CALN1: variants seen among roughly 807,000 people sequenced by gnomAD.
The protein encoded by CALN1 is calcium-binding protein 8.
A neutral mutation model predicts 30.6 loss-of-function variants in CALN1; 17 were observed. That is an observed-to-expected ratio of 0.56 (90% CI 0.38 to 0.83). The LOEUF (loss-of-function observed/expected upper bound fraction) is 0.83, where lower values mean the gene tolerates loss of function less well. Among genes scored for constraint, CALN1 ranks in the 40% least tolerant of loss-of-function variants. The probability of loss-of-function intolerance (pLI) is 0.00; values close to 1 mark genes in which losing one functional copy is unlikely to be tolerated. For missense variants in CALN1, 291 were observed against 354.9 expected (o/e 0.82, Z 1.45); for synonymous variants, 156 against 131.4 (o/e 1.19, Z -1.28).
intron 3 of CALN1, among the ~76,000 whole-genome samples, chr7:72,116,591 CA>C (rs1297315263): frequency 6.6e-6 from 1 of 152,084 alleles, no homozygotes; most frequent in African/African-American, 2.4e-5. Context: ...TGGCGCCATG[CA>C]AAAGGGCACA....
rs138863387 is a variant in CALN1 at position 72,363,211 on chromosome 7, T to C, written c.119+40040A>G. Among the ~76,000 whole-genome samples the C allele has an allele frequency of 1.2e-3, 180 of 152,010 alleles. 1 individual carries two copies. Among genetic ancestry groups the C allele is most frequent in the African/African-American group, 4.1e-3 (170 of 41,558 alleles). ...CTCTGATAGGCCCCAGTGTGTGTTG[T>C]TCCCTTCTGTGAGATTATGACACAT... On this transcript the variant is annotated intron_variant, in intron 2 of 6. Transcript: ENST00000395275.
intron 2 of CALN1, among the ~76,000 whole-genome samples, chr7:72,381,268 G>A (rs903340145): frequency 6.6e-6 from 1 of 152,162 alleles, no homozygotes; most frequent in Non-Finnish European, 1.5e-5. Context: ...CATTATGGAA[G>A]ACAGTGTGGC....
intron 5 of CALN1, among the ~76,000 whole-genome samples, chr7:71,897,799 C>A (rs1793606261): frequency 6.7e-6 from 1 of 150,270 alleles, no homozygotes; most frequent in South Asian, 2.1e-4. Flanking sequence ...CATTATGAAC[C>A]CAAACCAGCA....
chr7:72,037,152 CATA>C (rs955751414), intron 4 of CALN1, among the ~76,000 whole-genome samples: 1 of 93,920 alleles, frequency 1.1e-5, no homozygotes, highest in African/African-American at 4.8e-5. Flanking sequence ...AATATCTTTT[CATA>C]ATTTTTTTTT....
At chr7:71,996,280 A>G (rs1045971369) in intron 5 of CALN1, among the ~76,000 whole-genome samples, 3 of 152,250 alleles carry the variant, frequency 2.0e-5, no homozygotes, top group Admixed American at 6.5e-5. Flanking sequence ...ATAGAAAATC[A>G]CTCATCACAT....
chr7:71,971,975 A>AAGAAAGAC (rs1301596682), intron 5 of CALN1, among the ~76,000 whole-genome samples: 3 of 143,760 alleles, frequency 2.1e-5, no homozygotes, highest in African/African-American at 7.7e-5. Context: ...GAAAGAAAGA[A>AAGAAAGAC]AGAAAGAAAG....
At chr7:71,965,506 T>G (rs544779111) in intron 5 of CALN1, among the ~76,000 whole-genome samples, 5 of 152,338 alleles carry the variant, frequency 3.3e-5, no homozygotes, top group South Asian at 2.1e-4. Flanking sequence ...GGAGTGACTT[T>G]AATAGGTATC....
chr7:72,263,990 A>G (rs564408530), intron 3 of CALN1, among the ~76,000 whole-genome samples: 1 of 152,136 alleles, frequency 6.6e-6, no homozygotes, highest in African/African-American at 2.4e-5. Flanking sequence ...ATTAAGTGAA[A>G]TTGATGAGGG....
chr7:72,129,925 G>T (rs2129542729), intron 3 of CALN1, among the ~76,000 whole-genome samples: 1 of 152,180 alleles, frequency 6.6e-6, no homozygotes, highest in Admixed American at 6.5e-5. Context: ...TGGAAGGTGG[G>T]GCCTGGTGGG....
intron 3 of CALN1, among the ~76,000 whole-genome samples, chr7:72,261,984 T>C (rs1290641839): frequency 1.3e-5 from 2 of 152,168 alleles, no homozygotes; most frequent in African/African-American, 2.4e-5. Context: ...ACACGGATGG[T>C]TGGGCTCTTC....
At chr7:71,789,565 G>C (rs1403502931) in intron 6 of CALN1, among the ~76,000 whole-genome samples, 1 of 152,068 alleles carries the variant, frequency 6.6e-6, no homozygotes, top group Non-Finnish European at 1.5e-5. Flanking sequence ...GCTTGCTCTG[G>C]GCAGCACCAA....
chr7:71,801,432 C>G lies in CALN1; in HGVS notation c.658+8904G>C, dbSNP rs140902144. On this transcript the variant is annotated intron_variant, in intron 6 of 6. Transcript: ENST00000395275. ...TGTATGTATGTATGTATGTATGTATCTATCTATCTATCTATCTATCTATCT... is the reference window on the plus strand; with the variant it reads ...TGTATGTATGTATGTATGTATGTATGTATCTATCTATCTATCTATCTATCT... 6.2e-3 allele frequency among the ~76,000 whole-genome samples: 720 copies of G among 116,388 alleles called. 4 individuals are homozygous for G. The highest frequency in any genetic ancestry group is 9.3e-3 in the African/African-American group (275 of 29,508). 76.4% of individuals were successfully genotyped at this position (116,388 alleles called of 152,430 possible).
chr7:71,914,741 G>T (rs914949239), intron 5 of CALN1, among the ~76,000 whole-genome samples: 2 of 151,784 alleles, frequency 1.3e-5, no homozygotes, highest in Admixed American at 1.3e-4. Flanking sequence ...TAGCCATTCT[G>T]ACTGGTGTGA....
chr7:72,249,959 A>G (rs112088955), intron 3 of CALN1, among the ~76,000 whole-genome samples: 3 of 147,668 alleles, frequency 2.0e-5, no homozygotes, highest in Non-Finnish European at 3.0e-5. Context: ...AAAAAAAAAA[A>G]AGAGAGAGAG....
At chr7:72,158,750 G>A (rs771218343) in intron 3 of CALN1, among the ~76,000 whole-genome samples, 1 of 152,296 alleles carries the variant, frequency 6.6e-6, no homozygotes, top group Admixed American at 6.5e-5. Flanking sequence ...GTAGTGGAGC[G>A]AGTAGTTTGA....
At chr7:71,827,160 T>A (rs1035820307) in intron 5 of CALN1, among the ~76,000 whole-genome samples, 1 of 152,176 alleles carries the variant, frequency 6.6e-6, no homozygotes, top group African/African-American at 2.4e-5. Context: ...CAACTTGGCG[T>A]GTCACTTAAA....
At chr7:72,170,917 G>C (rs528083645) in intron 3 of CALN1, among the ~76,000 whole-genome samples, 29 of 152,292 alleles carry the variant, frequency 1.9e-4, no homozygotes, top group Non-Finnish European at 4.0e-4. Flanking sequence ...AACAATTTGG[G>C]AGGCCAAGGC....
intron 2 of CALN1, among the ~76,000 whole-genome samples, chr7:72,400,422 A>G (rs79139077): frequency 1.3e-5 from 2 of 152,108 alleles, no homozygotes; most frequent in Admixed American, 1.3e-4. Context: ...GCTTTCTCAG[A>G]TTTTCCACAT....
At chr7:72,258,117 G>A (rs958593425) in intron 3 of CALN1, among the ~76,000 whole-genome samples, 2 of 128,440 alleles carry the variant, frequency 1.6e-5, no homozygotes, top group Non-Finnish European at 3.7e-5. Flanking sequence ...CTACTGAAAT[G>A]AATTTTTTAA....
Sources: allele counts gnomAD v4.1 joint callset (sites outside exome capture counted in the v4.1 genomes callset), GRCh38; gene constraint gnomAD v4.1.1; transcripts MANE v1.5; gene names NCBI Gene and HGNC (gene_info 2026-07-23, HGNC 2026-07-21).